STS: variants seen among roughly 807,000 people sequenced by gnomAD.
STS encodes steroid sulfatase, also known as steryl-sulfatase.
STS carries 7 observed loss-of-function variants against 26.8 expected under a neutral mutation model. The observed-to-expected ratio is 0.26, with a 90% CI of 0.15 to 0.49. The LOEUF is 0.49. Among genes scored for constraint, STS ranks in the 20% least tolerant of loss-of-function variants. The pLI is 0.98. For synonymous variants in STS, 199 were observed against 189.4 expected (o/e 1.05, Z -0.42); for missense variants, 434 against 465.6 (o/e 0.93, Z 0.63).
At chrX:7,249,495 A>G (rs1271554477) in intron 2 of STS, among the ~76,000 whole-genome samples, 2 of 111,622 alleles carry the variant, frequency 1.8e-5, no homozygotes, top group African/African-American at 6.5e-5. Context: ...GGTCCTTTAG[A>G]CAGGACCTGT....
intron 7 of STS, among the ~76,000 whole-genome samples, chrX:7,279,443 G>C (rs1924749291): frequency 2.0e-5 from 2 of 101,928 alleles, no homozygotes; most frequent in African/African-American, 7.3e-5. Flanking sequence ...GTGTGTGTAT[G>C]ATGGGGGCTT....
intron 1 of STS, among the ~76,000 whole-genome samples, chrX:7,148,866 T>G (rs1932947223): frequency 8.9e-6 from 1 of 112,391 alleles, no homozygotes; most frequent in Non-Finnish European, 1.9e-5. Flanking sequence ...TGGTTGTGCC[T>G]TCTTAGGTAT....
intron 7 of STS, among the ~76,000 whole-genome samples, chrX:7,284,573 C>T (rs1378548770): frequency 8.9e-6 from 1 of 112,517 alleles, no homozygotes; most frequent in Non-Finnish European, 1.9e-5. Flanking sequence ...GCTTCCGCAG[C>T]AATGGTTGGA....
intron 2 of STS, among the ~76,000 whole-genome samples, chrX:7,211,986 C>T (rs1472227535): frequency 4.5e-5 from 5 of 112,030 alleles, no homozygotes; most frequent in African/African-American, 1.3e-4. Flanking sequence ...TGCTGCAGAT[C>T]GCGGGAGCAG....
At chrX:7,345,774 G>A (rs1199160170) in intron 10 of STS, among the ~76,000 whole-genome samples, 20 of 111,734 alleles carry the variant, frequency 1.8e-4, no homozygotes, top group African/African-American at 6.5e-4. Flanking sequence ...CTGCGTTAGT[G>A]AGACCTGGCC....
intron 6 of STS, among the ~76,000 whole-genome samples, chrX:7,265,156 C>T (rs185087987): frequency 3.0e-4 from 33 of 110,410 alleles, no homozygotes; most frequent in Non-Finnish European, 4.9e-4. Flanking sequence ...TAAACAGGAG[C>T]ACAGCCATTC....
intron 2 of STS, among the ~76,000 whole-genome samples, chrX:7,244,884 C>T (rs1922791399): frequency 8.9e-6 from 1 of 111,917 alleles, no homozygotes; most frequent in African/African-American, 3.2e-5. Flanking sequence ...TATTTTTTCA[C>T]ACAGGAGAAA....
intron 5 of STS, among the ~76,000 whole-genome samples, chrX:7,258,666 T>C (rs1356314156): frequency 9.0e-6 from 1 of 111,460 alleles, no homozygotes; most frequent in Non-Finnish European, 1.9e-5. Flanking sequence ...GTTAAAAAAC[T>C]ATCATTTTTT....
intron 10 of STS, among the ~76,000 whole-genome samples, chrX:7,338,818 G>A (rs1419178251): frequency 8.9e-6 from 1 of 111,910 alleles, no homozygotes; most frequent in African/African-American, 3.2e-5. Context: ...CCCTGATTTG[G>A]TTATATGAGT....
chrX:7,328,310 C>T (rs967381126), intron 9 of STS, among the ~76,000 whole-genome samples: 30 of 111,540 alleles, frequency 2.7e-4, no homozygotes, highest in African/African-American at 9.1e-4. Context: ...AGTTCAGAGG[C>T]AAAGAGGAAG....
At chrX:7,163,848 C>T (rs371317035) in intron 1 of STS, among the ~76,000 whole-genome samples, 6 of 111,980 alleles carry the variant, frequency 5.4e-5, no homozygotes, top group African/African-American at 1.6e-4. Context: ...TAGATAGGGT[C>T]TCATTCTGTC....
rs774267582 is a variant in STS at position 7,325,555 on chromosome X, G to C, written c.1241+57G>C. The stretch of plus-strand genomic sequence containing the variant: ...GAGCTCTGATTTCACAGCCCAGTAT[G>C]CTCTGGTTTGCCTGCATAATGGTGT... On this transcript the variant is annotated intron_variant, in intron 9 of 10. Coordinates refer to ENST00000674429, the MANE Select transcript of STS (RefSeq NM_001320752.2). 73 of 1,176,414 alleles carry C rather than the reference G, an allele frequency of 6.2e-5. No homozygotes were observed. The African/African-American group carries it at 1.1e-3, about 17-fold the overall frequency.
At chrX:7,293,185 G>T (rs186869785) in intron 7 of STS, among the ~76,000 whole-genome samples, 1 of 111,869 alleles carries the variant, frequency 8.9e-6, no homozygotes, top group African/African-American at 3.2e-5. Context: ...TGTGCCCTTG[G>T]GCAGCCTCCT....
chrX:7,177,033 AC>A (rs1933584254), intron 1 of STS, among the ~76,000 whole-genome samples: 1 of 111,700 alleles, frequency 9.0e-6, no homozygotes, highest in Admixed American at 9.6e-5. Context: ...TTCTTTAAAA[AC>A]TTACCTCATC....
At chrX:7,320,574 A>T (rs1255092808) in intron 8 of STS, among the ~76,000 whole-genome samples, 1 of 112,004 alleles carries the variant, frequency 8.9e-6, no homozygotes, top group African/African-American at 3.2e-5. Context: ...TAAAGTGAAG[A>T]TGGTGTGAGT....
At chrX:7,159,479 CT>C (rs1344114951) in intron 1 of STS, among the ~76,000 whole-genome samples, 4 of 112,231 alleles carry the variant, frequency 3.6e-5, no homozygotes, top group African/African-American at 9.7e-5. Flanking sequence ...AAACCACGTC[CT>C]ATGTTGTTCA....
At chrX:7,152,243 C>T (rs1428248192) in intron 1 of STS, among the ~76,000 whole-genome samples, 3 of 112,193 alleles carry the variant, frequency 2.7e-5, no homozygotes, top group Non-Finnish European at 5.6e-5. Context: ...TGAGCCACCA[C>T]GCCCGGCCAG....
chrX:7,173,711 A>G (rs1286168306), intron 1 of STS, among the ~76,000 whole-genome samples: 1 of 112,214 alleles, frequency 8.9e-6, no homozygotes, highest in Non-Finnish European at 1.9e-5. Context: ...GCTTTTTGTC[A>G]TATGTTTCCT....
intron 5 of STS, 56 bp from the exon 6 acceptor site, chrX:7,259,293 G>T: frequency 9.1e-7 from 1 of 1,097,343 alleles, no homozygotes; most frequent in Non-Finnish European, 1.3e-6. Flanking sequence ...ACAGAAGCTT[G>T]GATTGGAATC....
Sources: allele counts gnomAD v4.1 joint callset (sites outside exome capture counted in the v4.1 genomes callset), GRCh38; gene constraint gnomAD v4.1.1; transcripts MANE v1.5; gene names NCBI Gene and HGNC (gene_info 2026-07-23, HGNC 2026-07-21).